The following SYN2 variants were observed in gnomAD, a reference collection of about 807,000 sequenced individuals.
SYN2 encodes synapsin-2.
In SYN2, 19 loss-of-function variants were observed where a neutral mutation model predicts 50.9. The observed-to-expected ratio is 0.37, with a 90% CI of 0.26 to 0.55. SYN2 has a LOEUF of 0.55. SYN2 is among the 20% of genes least tolerant of loss of function. The pLI is 0.81. For synonymous variants in SYN2, 255 were observed against 224.9 expected (o/e 1.13, Z -1.20); for missense variants, 587 against 576.4 (o/e 1.02, Z -0.19).
intron 2 of SYN2, 45 bp downstream of exon 2, chr3:12,140,753 T>A: frequency 1.4e-6 from 1 of 730,664 alleles, no homozygotes; most frequent in South Asian, 1.5e-5. Context: ...CATCACAGTT[T>A]CCTCTTGACA....
intron 1 of SYN2, among the ~76,000 whole-genome samples, chr3:12,108,404 G>A (rs1696244313): frequency 6.6e-6 from 1 of 152,078 alleles, no homozygotes; most frequent in African/African-American, 2.4e-5. Context: ...CTATAATACG[G>A]TTCTTAACAA....
At chr3:12,056,051 AT>A (rs1216053399) in intron 1 of SYN2, among the ~76,000 whole-genome samples, 6 of 152,196 alleles carry the variant, frequency 3.9e-5, no homozygotes. Context: ...ACTATGGGAA[AT>A]TCTACATATG....
chr3:12,078,354 T>C (rs762875250), intron 1 of SYN2, among the ~76,000 whole-genome samples: 6 of 152,182 alleles, frequency 3.9e-5, no homozygotes, highest in Non-Finnish European at 7.4e-5. Context: ...TTGTTGCAAT[T>C]GCTTTCATCA....
intron 12 of SYN2, among the ~76,000 whole-genome samples, chr3:12,189,553 A>C (rs1698408353): frequency 6.6e-6 from 1 of 152,092 alleles, no homozygotes; most frequent in South Asian, 2.1e-4. Flanking sequence ...TCACGCCTCT[A>C]ATCCCAGCAC....
At chr3:12,127,838 G>A (rs1287929063) in intron 1 of SYN2, among the ~76,000 whole-genome samples, 2 of 152,134 alleles carry the variant, frequency 1.3e-5, no homozygotes, top group East Asian at 1.9e-4. Flanking sequence ...TTTCCTTGCA[G>A]CAATTTGCTC....
At chr3:12,158,950 C>T (rs1697553410) in intron 5 of SYN2, 3 of 1,397,002 alleles carry the variant, frequency 2.1e-6, no homozygotes, top group African/African-American at 3.0e-5. Context: ...ATGAGGTGGC[C>T]CTAAGGGCCA....
intron 1 of SYN2, among the ~76,000 whole-genome samples, chr3:12,125,248 CCTCAGG>C (rs1175493134): frequency 6.6e-6 from 1 of 152,002 alleles, no homozygotes; most frequent in African/African-American, 2.4e-5. Context: ...GATCCACCCA[CCTCAGG>C]CTCCCAAAGT....
chr3:12,187,386 C>T lies in SYN2; in HGVS notation c.1387C>T (p.Gln463Ter). ...PPPQGGPGQP[Q>*]GMQPPGKVLP... ...GAACCTAGGGGGCCCTGGGCAACCC[C>T]AAGGAATGCAGCCCCCAGGCAAGGT... is the stretch of plus-strand genomic sequence containing the variant. Residue 463 changes from glutamine to a stop codon, truncating the protein, a stop_gained, in exon 12 of 13, where the codon CAA (glutamine) becomes TAA (stop). Coordinates refer to ENST00000621198, the MANE Select transcript of SYN2 (RefSeq NM_133625.6). LOFTEE classifies it high-confidence loss of function. 1 of 1,547,554 alleles carries T rather than the reference C, an allele frequency of 6.5e-7. No homozygotes were observed. The highest frequency in any genetic ancestry group is 8.7e-7 in the Non-Finnish European group (1 of 1,143,650).
chr3:12,082,280 T>C lies in SYN2; in HGVS notation c.378-58371T>C, dbSNP rs59305851. 6.6e-3 allele frequency among the ~76,000 whole-genome samples: 1,001 copies of C among 152,312 alleles called. 79 individuals carry two copies. In the East Asian group the frequency reaches 0.17, roughly 25 times the overall value. On this transcript the variant is annotated intron_variant, in intron 1 of 12. Transcript: ENST00000621198. ...TAGACTCAGTGCCCAAACTTTTTAC[T>C]TGGGCCTGGTCACATGGACACCCTC...
chr3:12,164,099 G>T (rs1012976323), intron 7 of SYN2, among the ~76,000 whole-genome samples: 2 of 151,952 alleles, frequency 1.3e-5, no homozygotes, highest in African/African-American at 4.8e-5. Flanking sequence ...ATCTAAGACA[G>T]AATAATTTAA....
chr3:12,158,953 A>T, intron 5 of SYN2: 1 of 1,384,418 alleles, frequency 7.2e-7, no homozygotes, highest in Non-Finnish European at 9.4e-7. Context: ...AGGTGGCCCT[A>T]AGGGCCAATC....
intron 1 of SYN2, among the ~76,000 whole-genome samples, chr3:12,006,255 G>T (rs1325926730): frequency 6.6e-6 from 1 of 152,170 alleles, no homozygotes; most frequent in Non-Finnish European, 1.5e-5. Context: ...ATAGTCCTTT[G>T]GGTGACTTAT....
At chr3:12,094,429 A>T (rs1178355382) in intron 1 of SYN2, among the ~76,000 whole-genome samples, 2 of 152,228 alleles carry the variant, frequency 1.3e-5, no homozygotes, top group Non-Finnish European at 2.9e-5. Flanking sequence ...CAGCCTAAAG[A>T]TAGGAAATAT....
chr3:12,059,709 A>G (rs1695073126), intron 1 of SYN2, among the ~76,000 whole-genome samples: 1 of 152,120 alleles, frequency 6.6e-6, no homozygotes, highest in Non-Finnish European at 1.5e-5. Context: ...TTCTTGCTGT[A>G]AAGTTGCTTA....
chr3:12,128,443 A>T (rs1410012503), intron 1 of SYN2, among the ~76,000 whole-genome samples: 1 of 152,214 alleles, frequency 6.6e-6, no homozygotes, highest in Non-Finnish European at 1.5e-5. Flanking sequence ...CCTGCCTCAA[A>T]CTGTTGTTTG....
chr3:12,039,776 C>T (rs549716300), intron 1 of SYN2, among the ~76,000 whole-genome samples: 2 of 152,104 alleles, frequency 1.3e-5, no homozygotes, highest in African/African-American at 4.8e-5. Flanking sequence ...TATTAAGGAT[C>T]GGGAGGAAGA....
chr3:12,125,621 A>G (rs907155825), intron 1 of SYN2, among the ~76,000 whole-genome samples: 8 of 152,178 alleles, frequency 5.3e-5, no homozygotes, highest in South Asian at 2.1e-4. Context: ...CCTTCATTTC[A>G]TGCTGAGTCT....
chr3:12,043,725 GT>G (rs1224060932), intron 1 of SYN2, among the ~76,000 whole-genome samples: 1 of 152,180 alleles, frequency 6.6e-6, no homozygotes, highest in Non-Finnish European at 1.5e-5. Context: ...CCGTGGATTA[GT>G]CAAAGGAGGG....
intron 10 of SYN2, among the ~76,000 whole-genome samples, chr3:12,178,258 G>T (rs1470103383): frequency 6.6e-6 from 1 of 152,176 alleles, no homozygotes; most frequent in African/African-American, 2.4e-5. Flanking sequence ...TCCTGTCTCA[G>T]ATATGCTGAG....
Sources: gnomAD v4.1 joint callset for allele counts (sites outside exome capture counted in the v4.1 genomes callset) on GRCh38, gnomAD v4.1.1 for gene constraint, MANE v1.5 for transcripts, NCBI Gene and HGNC (gene_info 2026-07-23, HGNC 2026-07-21) for gene names.